KCND3: variants seen among roughly 807,000 people sequenced by gnomAD.
The protein encoded by KCND3 is A-type voltage-gated potassium channel KCND3.
A neutral mutation model predicts 51.1 loss-of-function variants in KCND3; 9 were observed. The ratio of observed to expected loss-of-function variants is 0.18; its 90% confidence interval spans 0.11 to 0.31. The LOEUF (loss-of-function observed/expected upper bound fraction) is 0.31, where lower values mean the gene tolerates loss of function less well. Among genes scored for constraint, KCND3 ranks in the 10% least tolerant of loss-of-function variants. KCND3 has a pLI of 1.00. For synonymous variants in KCND3, 349 were observed against 368.0 expected (o/e 0.95, Z 0.59); for missense variants, 526 against 903.8 (o/e 0.58, Z 5.36).
At chr1:111,820,834 T>A (rs1281156238) in intron 2 of KCND3, among the ~76,000 whole-genome samples, 1 of 151,966 alleles carries the variant, frequency 6.6e-6, no homozygotes, top group Non-Finnish European at 1.5e-5. Flanking sequence ...CACAGGGGGG[T>A]GACGGCCATG....
chr1:111,964,967 A>G (rs1216327738), intron 2 of KCND3, among the ~76,000 whole-genome samples: 1 of 152,234 alleles, frequency 6.6e-6, no homozygotes, highest in Non-Finnish European at 1.5e-5. Context: ...GGGCCTGAAC[A>G]CATGGTCAGC....
intron 2 of KCND3, among the ~76,000 whole-genome samples, chr1:111,810,196 T>C (rs936423942): frequency 1.3e-5 from 2 of 152,172 alleles, no homozygotes; most frequent in Non-Finnish European, 2.9e-5. Context: ...TGAGCGACTG[T>C]GGCTCTTCTC....
intron 2 of KCND3, among the ~76,000 whole-genome samples, chr1:111,943,031 G>A (rs972146713): frequency 6.6e-6 from 1 of 152,176 alleles, no homozygotes; most frequent in Admixed American, 6.5e-5. Context: ...CACTCATGGG[G>A]ACAACTTCTA....
At chr1:111,884,690 C>T (rs2101746625) in intron 2 of KCND3, among the ~76,000 whole-genome samples, 1 of 152,314 alleles carries the variant, frequency 6.6e-6, no homozygotes, top group Non-Finnish European at 1.5e-5. Flanking sequence ...AAGATGTTTT[C>T]ATTCAATCAG....
chr1:111,806,013 T>C (rs1460030659), intron 2 of KCND3, among the ~76,000 whole-genome samples: 1 of 152,218 alleles, frequency 6.6e-6, no homozygotes, highest in African/African-American at 2.4e-5. Context: ...AAATCCTGTC[T>C]GGCCTTCCCC....
chr1:111,803,244 G>A (rs1031541872), intron 2 of KCND3, among the ~76,000 whole-genome samples: 1 of 152,090 alleles, frequency 6.6e-6, no homozygotes, highest in African/African-American at 2.4e-5. Context: ...GACAGTGGAG[G>A]CCTCGTTTGC....
chr1:111,797,602 A>T (rs1345162456), intron 2 of KCND3, among the ~76,000 whole-genome samples: 5 of 152,206 alleles, frequency 3.3e-5, no homozygotes, highest in Non-Finnish European at 5.9e-5. Context: ...TACAAGAAGG[A>T]TGTATGCAGG....
At chr1:111,783,491 A>G (rs1328117701) in intron 3 of KCND3, among the ~76,000 whole-genome samples, 1 of 152,196 alleles carries the variant, frequency 6.6e-6, no homozygotes, top group Non-Finnish European at 1.5e-5. Flanking sequence ...TCTATGTTCA[A>G]GCCAATACTT....
In KCND3 at chr1:111,780,142, G is replaced by C; in HGVS notation, c.1461+83C>G. On this transcript the variant is annotated intron_variant, in intron 5 of 7. Coordinates refer to ENST00000302127, the MANE Select transcript of KCND3 (RefSeq NM_001378969.1). This position sits in a 1 kb window ranked among gnomAD's most constrained non-coding sequence, Gnocchi z 4.2. ...TGAAGGGGACAGACTTTGACTTCTG[G>C]CCCAGAGTGAAGATGTGAGTACAGC... The C allele has an allele frequency of 7.5e-7, 1 of 1,336,392 alleles. No homozygotes were observed. Among genetic ancestry groups the C allele is most frequent in the Non-Finnish European group, 1.0e-6 (1 of 952,526 alleles). 82.8% of individuals were successfully genotyped at this position (1,336,392 alleles called of 1,614,324 possible).
chr1:111,804,019 A>G (rs1665447027), intron 2 of KCND3, among the ~76,000 whole-genome samples: 1 of 152,138 alleles, frequency 6.6e-6, no homozygotes. Context: ...TCCTTTTTAT[A>G]ATAGCGCTTA....
intron 2 of KCND3, among the ~76,000 whole-genome samples, chr1:111,818,821 C>G (rs1377894301): frequency 6.6e-6 from 1 of 152,082 alleles, no homozygotes; most frequent in African/African-American, 2.4e-5. Flanking sequence ...CAGGTGCTGT[C>G]CCAGGGGAGA....
chr1:111,847,620 C>A (rs1191168032), intron 2 of KCND3, among the ~76,000 whole-genome samples: 1 of 152,156 alleles, frequency 6.6e-6, no homozygotes, highest in Non-Finnish European at 1.5e-5. Context: ...TGAGGGCAAG[C>A]AGCAGCAAAT....
At chr1:111,988,682 C>A (rs1166985117) in intron 1 of KCND3, 4 of 152,184 alleles carry the variant, frequency 2.6e-5, no homozygotes, top group Admixed American at 2.0e-4. Context: ...CCTGGTCTTA[C>A]AAACAGATCG....
intron 2 of KCND3, among the ~76,000 whole-genome samples, chr1:111,931,512 CAA>C (rs1351015810): frequency 7.9e-5 from 12 of 152,174 alleles, no homozygotes; most frequent in African/African-American, 2.9e-4. Flanking sequence ...TCGCTGAAAG[CAA>C]AGATTCTAGA....
intron 2 of KCND3, among the ~76,000 whole-genome samples, chr1:111,847,416 G>T (rs1387485322): frequency 6.6e-6 from 1 of 152,162 alleles, no homozygotes; most frequent in Non-Finnish European, 1.5e-5. Flanking sequence ...GATAAAAATG[G>T]CCAAAAGAAA....
intron 2 of KCND3, among the ~76,000 whole-genome samples, chr1:111,907,269 A>T (rs1414055941): frequency 6.6e-6 from 1 of 152,260 alleles, no homozygotes; most frequent in African/African-American, 2.4e-5. Context: ...TTATGTGTGT[A>T]CAAAATAACA....
chr1:111,903,823 T>C (rs538331028), intron 2 of KCND3, among the ~76,000 whole-genome samples: 1 of 152,304 alleles, frequency 6.6e-6, no homozygotes, highest in African/African-American at 2.4e-5. Flanking sequence ...TCCATGTCTG[T>C]CCTTAGGTCT....
intron 2 of KCND3, among the ~76,000 whole-genome samples, chr1:111,877,568 T>C (rs1295645689): frequency 6.6e-6 from 1 of 152,026 alleles, no homozygotes; most frequent in East Asian, 1.9e-4. Flanking sequence ...AGGGGAATTA[T>C]GAGGATGGAA....
chr1:111,912,342 A>T (rs1460796500), intron 2 of KCND3, among the ~76,000 whole-genome samples: 1 of 152,264 alleles, frequency 6.6e-6, no homozygotes, highest in Non-Finnish European at 1.5e-5. Flanking sequence ...TGCATTACTC[A>T]CATGTTTGTG....
Sources: gnomAD v4.1 joint callset for allele counts (sites outside exome capture counted in the v4.1 genomes callset) on GRCh38, gnomAD v4.1.1 for gene constraint, Gnocchi (gnomAD v3.1) non-coding constraint, MANE v1.5 for transcripts, NCBI Gene and HGNC (gene_info 2026-07-23, HGNC 2026-07-21) for gene names.